RNF220: variants seen among roughly 807,000 people sequenced by gnomAD.
The protein encoded by RNF220 is ring finger protein 220.
RNF220 carries 7 observed loss-of-function variants against 67.1 expected under a neutral mutation model. That is an observed-to-expected ratio of 0.10 (90% CI 0.06 to 0.20). The LOEUF (loss-of-function observed/expected upper bound fraction) is 0.20. RNF220 is among the 10% of genes least tolerant of loss of function. RNF220 has a pLI of 1.00. For synonymous variants in RNF220, 270 were observed against 283.2 expected (o/e 0.95, Z 0.47); for missense variants, 565 against 740.3 (o/e 0.76, Z 2.75).
intron 2 of RNF220, among the ~76,000 whole-genome samples, chr1:44,505,686 G>A (rs569412356): frequency 3.0e-4 from 45 of 152,212 alleles, no homozygotes; most frequent in Non-Finnish European, 5.4e-4. Flanking sequence ...AAAATGTTGC[G>A]ATAATTGCTT....
At chr1:44,446,588 C>A in intron 2 of RNF220, among the ~76,000 whole-genome samples, 1 of 142,384 alleles carries the variant, frequency 7.0e-6, no homozygotes, top group African/African-American at 2.6e-5. Context: ...GAGATGGAGT[C>A]TTGCTCTGTC....
chr1:44,516,396 C>A (rs1298369234), intron 2 of RNF220, among the ~76,000 whole-genome samples: 1 of 152,168 alleles, frequency 6.6e-6, no homozygotes, highest in Admixed American at 6.5e-5. Flanking sequence ...TAAAATGAAT[C>A]TTTAAGAAGT....
At chr1:44,526,263 C>T (rs568791971) in intron 2 of RNF220, among the ~76,000 whole-genome samples, 1 of 152,310 alleles carries the variant, frequency 6.6e-6, no homozygotes, top group Admixed American at 6.5e-5. Context: ...CGTACTTGTC[C>T]CAGAATGACT....
At chr1:44,563,454 C>G (rs1216849909) in intron 2 of RNF220, among the ~76,000 whole-genome samples, 2 of 152,192 alleles carry the variant, frequency 1.3e-5, no homozygotes, top group Admixed American at 6.5e-5. Flanking sequence ...CAAGTCCACC[C>G]AGGGAGATGG....
At chr1:44,507,242 C>T (rs573638926) in intron 2 of RNF220, among the ~76,000 whole-genome samples, 2 of 152,276 alleles carry the variant, frequency 1.3e-5, no homozygotes, top group African/African-American at 4.8e-5. Context: ...TCTTGCCATT[C>T]CTCCTCTTCC....
chr1:44,468,914 C>T (rs1185894325), intron 2 of RNF220, among the ~76,000 whole-genome samples: 2 of 131,784 alleles, frequency 1.5e-5, no homozygotes, highest in Non-Finnish European at 3.3e-5. Flanking sequence ...GAGACTCTGT[C>T]TCAAAAAAAA....
At chr1:44,524,930 A>G (rs967633526) in intron 2 of RNF220, among the ~76,000 whole-genome samples, 8 of 152,212 alleles carry the variant, frequency 5.3e-5, no homozygotes, top group African/African-American at 1.4e-4. Context: ...AGAGCCAGTT[A>G]TAAAACACAC....
chr1:44,630,031 T>A (rs1573112142), intron 5 of RNF220, among the ~76,000 whole-genome samples: 2 of 152,342 alleles, frequency 1.3e-5, no homozygotes, highest in South Asian at 2.1e-4. Context: ...CATGTAGTAG[T>A]TGTTCAGCTA....
chr1:44,596,535 G>C (rs955392523), intron 2 of RNF220, among the ~76,000 whole-genome samples: 2 of 151,948 alleles, frequency 1.3e-5, no homozygotes, highest in Non-Finnish European at 2.9e-5. Context: ...CTCCAACCTG[G>C]GGGACAAGAG....
chr1:44,455,479 G>A (rs1653085280), intron 2 of RNF220, among the ~76,000 whole-genome samples: 1 of 152,190 alleles, frequency 6.6e-6, no homozygotes, highest in Non-Finnish European at 1.5e-5. Flanking sequence ...TCTCCTGGGG[G>A]CTCATGGGGC....
intron 2 of RNF220, among the ~76,000 whole-genome samples, chr1:44,507,872 C>T (rs1042275820): frequency 6.6e-6 from 1 of 151,900 alleles, no homozygotes; most frequent in East Asian, 1.9e-4. Context: ...GGTGCCCCCC[C>T]CTCACCACAC....
intron 2 of RNF220, among the ~76,000 whole-genome samples, chr1:44,601,634 A>G (rs1666926298): frequency 1.3e-5 from 2 of 152,188 alleles, no homozygotes; most frequent in Non-Finnish European, 2.9e-5. Flanking sequence ...GAGGAAATTC[A>G]TGCCTAAGGA....
intron 2 of RNF220, among the ~76,000 whole-genome samples, chr1:44,526,515 G>T (rs1326593397): frequency 1.3e-5 from 2 of 152,032 alleles, no homozygotes; most frequent in African/African-American, 4.8e-5. Flanking sequence ...GTACTACTCA[G>T]CACTTTTGTC....
chr1:44,491,672 T>G (rs1656865588), intron 2 of RNF220, among the ~76,000 whole-genome samples: 1 of 152,094 alleles, frequency 6.6e-6, no homozygotes, highest in Admixed American at 6.6e-5. Context: ...CTTTTTTTTT[T>G]TTTACTTTTG....
Position 44,645,581 on chromosome 1 carries a change from G to A in RNF220, c.1445+93G>A. ...GGAAGGCCTGCTGCCAGGGCTTCTGGCCCTCCCAAGTGCAGCTCAGTGCTG... is the reference window on the plus strand; with the variant it reads ...GGAAGGCCTGCTGCCAGGGCTTCTGACCCTCCCAAGTGCAGCTCAGTGCTG... On this transcript the variant is annotated intron_variant, in intron 12 of 14. Transcript: ENST00000361799. The surrounding 1 kb of genome is among the most constrained non-coding windows in gnomAD (Gnocchi z 5.0). 7 of 1,300,974 alleles carry A rather than the reference G, an allele frequency of 5.4e-6. No individual in the cohort carries two copies. The highest frequency in any genetic ancestry group is 1.9e-4 in the Middle Eastern group (1 of 5,218). 80.6% of individuals were successfully genotyped at this position (1,300,974 alleles called of 1,614,324 possible).
At chr1:44,462,974 C>A (rs1653928577) in intron 2 of RNF220, among the ~76,000 whole-genome samples, 1 of 151,652 alleles carries the variant, frequency 6.6e-6, no homozygotes, top group South Asian at 2.1e-4. Context: ...TTGCAATGAG[C>A]TGAGATTGTG....
At chr1:44,475,998 C>CA (rs771161222) in intron 2 of RNF220, among the ~76,000 whole-genome samples, 72 of 122,514 alleles carry the variant, frequency 5.9e-4, no homozygotes, top group African/African-American at 7.2e-4. Flanking sequence ...GACTCCATCT[C>CA]AAAAAAAAAA....
intron 2 of RNF220, among the ~76,000 whole-genome samples, chr1:44,525,993 GCCCACCATTC>G (rs1660341265): frequency 6.6e-6 from 1 of 152,062 alleles, no homozygotes; most frequent in African/African-American, 2.4e-5. Flanking sequence ...AATTTAACAA[GCCCACCATTC>G]CCCTCCTAGC....
intron 2 of RNF220, among the ~76,000 whole-genome samples, chr1:44,592,424 C>T (rs541939253): frequency 2.0e-5 from 3 of 152,230 alleles, no homozygotes; most frequent in South Asian, 2.1e-4. Flanking sequence ...GCCCCCTACG[C>T]AGCTGCCTTC....
Sources: gnomAD v4.1 joint callset for allele counts (sites outside exome capture counted in the v4.1 genomes callset) on GRCh38, gnomAD v4.1.1 for gene constraint, Gnocchi (gnomAD v3.1) non-coding constraint, MANE v1.5 for transcripts, NCBI Gene and HGNC (gene_info 2026-07-23, HGNC 2026-07-21) for gene names.